Variants in ZNF185 observed in about 807,000 individuals in gnomAD.
The protein encoded by ZNF185 is zinc finger protein 185 with LIM domain, also known as zinc finger protein 185.
A neutral mutation model predicts 58.6 loss-of-function variants in ZNF185; 56 were observed. That is an observed-to-expected ratio of 0.95 (90% confidence interval 0.77 to 1.19). The LOEUF is 1.19. ZNF185 is among the 50% of genes most tolerant of loss of function. The probability of loss-of-function intolerance (pLI) is 0.00; values close to 1 mark genes in which losing one functional copy is unlikely to be tolerated. For synonymous variants in ZNF185, 230 were observed against 215.9 expected, an observed-to-expected ratio of 1.07 and a Z score of -0.57; for missense variants, 627 against 573.5, an observed-to-expected ratio of 1.09 and a Z score of -0.95.
chrX:152,917,444 G>A, intron 5 of ZNF185, 82 bp downstream of exon 6: 2 of 1,088,814 alleles, frequency 1.8e-6, no homozygotes, highest in Non-Finnish European at 2.5e-6. Context: ...ACAGTGCTCT[G>A]CCTATCAGGA....
intron 7 of ZNF185, among the ~76,000 whole-genome samples, chrX:152,919,853 T>C (rs1225993378): frequency 3.5e-5 from 4 of 112,685 alleles, no homozygotes; most frequent in Non-Finnish European, 7.5e-5. Flanking sequence ...CCCTGGCAGA[T>C]TGGCTATCCT....
intron 22 of ZNF185, among the ~76,000 whole-genome samples, chrX:152,970,796 C>A (rs1313299561): frequency 9.0e-6 from 1 of 111,367 alleles, no homozygotes; most frequent in Non-Finnish European, 1.9e-5. Context: ...AGCCCTCTAG[C>A]TACCCTGGGA....
intron 15 of ZNF185, among the ~76,000 whole-genome samples, chrX:152,940,233 G>A (rs1272204160): frequency 9.0e-6 from 1 of 110,959 alleles, no homozygotes; most frequent in Non-Finnish European, 1.9e-5. Context: ...TATGACCCGT[G>A]ACACAGCCTC....
At chrX:152,936,976 A>C (rs2046371665) in intron 14 of ZNF185, among the ~76,000 whole-genome samples, 2 of 111,914 alleles carry the variant, frequency 1.8e-5, no homozygotes, top group Non-Finnish European at 3.8e-5. Flanking sequence ...GCACAAAGGT[A>C]CAATGGGAAG....
intron 16 of ZNF185, among the ~76,000 whole-genome samples, chrX:152,950,842 A>G (rs2048231838): frequency 8.9e-6 from 1 of 112,093 alleles, no homozygotes; most frequent in Non-Finnish European, 1.9e-5. Flanking sequence ...TTGGTTAGCT[A>G]GTGAATCAGA....
intron 9 of ZNF185, among the ~76,000 whole-genome samples, chrX:152,921,736 G>A (rs1481821687): frequency 2.7e-5 from 3 of 111,152 alleles, no homozygotes; most frequent in African/African-American, 9.8e-5. Context: ...TTCTGCTGGT[G>A]GTTGGTGATC....
At chrX:152,970,635 C>T in intron 22 of ZNF185, 94 bp downstream of exon 24, 1 of 764,303 alleles carries the variant, frequency 1.3e-6, no homozygotes, top group Non-Finnish European at 1.9e-6. Flanking sequence ...GCCCCAGACA[C>T]AGCTATCTTT....
exon 22 of ZNF185, chrX:152,970,507 T>C: frequency 8.3e-7 from 1 of 1,210,685 alleles, no homozygotes; most frequent in South Asian, 1.8e-5. Flanking sequence ...CGTGACACCA[T>C]TCACTGTGGG....
chrX:152,919,234 T>G (rs1556868245), intron 7 of ZNF185, among the ~76,000 whole-genome samples, 153 bp downstream of exon 8: 1 of 111,268 alleles, frequency 9.0e-6, no homozygotes, highest in Non-Finnish European at 1.9e-5. Context: ...ATAGGTGTCA[T>G]TCTCTGAGTG....
chrX:152,905,735 C>T, the ZNF185 span, among the ~76,000 whole-genome samples: 1 of 109,954 alleles, frequency 9.1e-6, no homozygotes, highest in Non-Finnish European at 1.9e-5. Flanking sequence ...GGGGTCACAG[C>T]CTGGGAGGGA....
the ZNF185 span, among the ~76,000 whole-genome samples, chrX:152,899,456 G>T: frequency 8.9e-6 from 1 of 112,886 alleles, no homozygotes; most frequent in Non-Finnish European, 1.9e-5. Context: ...TCCCCTCATC[G>T]CTCCCAGGCC....
At chrX:152,936,574 C>T in intron 14 of ZNF185, 61 bp downstream of exon 16, 2 of 1,015,947 alleles carry the variant, frequency 2.0e-6, no homozygotes, top group East Asian at 3.4e-5. Flanking sequence ...CTTTGGGGCC[C>T]AGCCTCAGCT....
the ZNF185 span, among the ~76,000 whole-genome samples, chrX:152,900,103 G>A: frequency 3.7e-4 from 42 of 112,409 alleles, no homozygotes; most frequent in South Asian, 7.4e-4. Context: ...GGCAGCCAGC[G>A]CCTCAGCTCA....
At chrX:152,962,493 C>G (rs781871883) in intron 17 of ZNF185, among the ~76,000 whole-genome samples, 9 of 112,032 alleles carry the variant, frequency 8.0e-5, no homozygotes, top group African/African-American at 2.6e-4. Flanking sequence ...GTTGTTCAGT[C>G]AGTAGGAGGT....
Position 152,932,982 on chromosome X carries a change from C to T in ZNF185, c.1121+11C>T, listed in dbSNP as rs1056972477. On this transcript the variant is annotated intron_variant, in intron 14 of 22. Coordinates refer to ENST00000449285, the Ensembl canonical transcript of ZNF185. ...CTCCGAGAGAGGAAGGTGAGCTGCCCGGGGGAGGCAGGTTCTCTCATGCCC... is the reference window on the plus strand; with the variant it reads ...CTCCGAGAGAGGAAGGTGAGCTGCCTGGGGGAGGCAGGTTCTCTCATGCCC... 1.5e-5 allele frequency: 17 copies of T among 1,162,884 alleles called. No homozygotes were observed. The highest frequency in any genetic ancestry group is 4.9e-5 in the Admixed American group (2 of 40,414).
At chrX:152,928,432 AC>A in intron 11 of ZNF185, 142 bp from the exon 13 acceptor site, 1 of 587,303 alleles carries the variant, frequency 1.7e-6, no homozygotes, top group African/African-American at 2.2e-5. Context: ...CAGCTGCAGC[AC>A]CAACAAGGCT....
chrX:152,967,503 G>C (rs1556915694), intron 20 of ZNF185, among the ~76,000 whole-genome samples: 1 of 112,474 alleles, frequency 8.9e-6, no homozygotes, highest in Non-Finnish European at 1.9e-5. Context: ...TGACAACCCA[G>C]AGGACTCGTG....
intron 16 of ZNF185, 90 bp from the exon 19 acceptor site, chrX:152,959,609 C>T: frequency 9.9e-7 from 1 of 1,014,259 alleles, no homozygotes; most frequent in Non-Finnish European, 1.3e-6. Flanking sequence ...CCCTCCAAGT[C>T]CACGAGACAT....
chrX:152,960,464 A>G (rs1556909404), intron 17 of ZNF185, among the ~76,000 whole-genome samples: 2 of 112,177 alleles, frequency 1.8e-5, no homozygotes, highest in Non-Finnish European at 3.8e-5. Flanking sequence ...AGGAACAGCC[A>G]GGTACTAGGG....
Sources: allele counts gnomAD v4.1 joint callset (sites outside exome capture counted in the v4.1 genomes callset), GRCh38; gene constraint gnomAD v4.1.1; transcripts MANE v1.5; gene names NCBI Gene and HGNC (gene_info 2026-07-23, HGNC 2026-07-21).